Variants in ITIH3 observed in about 807,000 individuals in gnomAD.
The protein encoded by ITIH3 is inter-alpha-trypsin inhibitor heavy chain 3.
In ITIH3, 81 loss-of-function variants were observed where a neutral mutation model predicts 96.5. The observed-to-expected ratio is 0.84, with a 90% CI of 0.70 to 1.01. ITIH3 has a LOEUF of 1.01. ITIH3 is among the 50% of genes least tolerant of loss of function. ITIH3 has a pLI of 0.00. For missense variants in ITIH3, 1,057 were observed against 1,139.3 expected (o/e 0.93, Z 1.04); for synonymous variants, 422 against 445.2 (o/e 0.95, Z 0.66).
intron 2 of ITIH3, 63 bp from the exon 3 acceptor site, chr3:52,796,418 T>G: frequency 6.7e-7 from 1 of 1,487,078 alleles, no homozygotes; most frequent in Non-Finnish European, 9.2e-7. Flanking sequence ...GGGAGGTGGC[T>G]GGGTTGCAAA....
rs758711384 is a variant in ITIH3 at position 52,799,867 on chromosome 3, C to T, written c.1021C>T (p.Pro341Ser). The stretch of plus-strand genomic sequence containing the variant: ...GAAAGAGCACTTAGTCCAGGCCACG[C>T]CCGAGAACCTCCAGGAGGCCAGGAC... ...TWKEHLVQAT[P>S]ENLQEARTFV... Residue 341 changes from proline to serine, a missense_variant, in exon 9 of 22, where the codon CCC becomes TCC. By Grantham distance (74) the Pro-to-Ser change is moderately conservative. Coordinates refer to ENST00000449956, the MANE Select transcript of ITIH3 (RefSeq NM_002217.4). 4 of 1,613,920 alleles carry T rather than the reference C, an allele frequency of 2.5e-6. No individual in the cohort carries two copies. In the South Asian group the frequency reaches 4.4e-5, roughly 18 times the overall value.
chr3:52,807,948 G>A, intron 20 of ITIH3, 32 bp downstream of exon 20: 1 of 1,605,184 alleles, frequency 6.2e-7, no homozygotes, highest in Non-Finnish European at 8.5e-7. Flanking sequence ...GGCTGTTCAG[G>A]CCTGAGAGCA....
At chr3:52,802,605 T>C in intron 12 of ITIH3, 62 bp from the exon 13 acceptor site, 1 of 1,611,450 alleles carries the variant, frequency 6.2e-7, no homozygotes, top group South Asian at 1.1e-5. Flanking sequence ...CCAGGAGTGG[T>C]GGCCCCTGAA....
intron 20 of ITIH3, 95 bp from the exon 21 acceptor site, chr3:52,808,015 C>A (rs1700118194): frequency 1.3e-6 from 2 of 1,566,604 alleles, no homozygotes; most frequent in Admixed American, 1.7e-5. Flanking sequence ...GCTCACAACA[C>A]CCCATTCAGC....
chr3:52,796,836 T>C lies in ITIH3; in HGVS notation c.379T>C (p.Leu127=). ...TGTGTCCCAGGGCAAGACGGCCGGCTTGGTCAAGTAAGTATGGACTCCCAG... is the reference window on the plus strand; with the variant it reads ...TGTGTCCCAGGGCAAGACGGCCGGCCTGGTCAAGTAAGTATGGACTCCCAG... ...KAVSQGKTAG[L]VKASGRKLEK... Residue 127 remains leucine (L), a synonymous_variant, in exon 4 of 22, where the codon TTG becomes CTG. Coordinates refer to ENST00000449956, the MANE Select transcript of ITIH3 (RefSeq NM_002217.4). 1 of 1,605,120 alleles carries C rather than the reference T, an allele frequency of 6.2e-7. No homozygotes were observed. The highest frequency in any genetic ancestry group is 1.1e-5 in the South Asian group (1 of 88,880).
In ITIH3 at chr3:52,808,203, A is replaced by G. The variant is rs1700126421; in HGVS notation, c.2525A>G (p.His842Arg). Residue 842 changes from histidine to arginine, a missense_variant, in exon 21 of 22, where the codon CAT becomes CGT. By Grantham distance (29) the His-to-Arg change is conservative. Coordinates refer to ENST00000449956, the MANE Select transcript of ITIH3 (RefSeq NM_002217.4). ...GATGCCACATTGGTGGTGAAGAACC[A>G]TCAGCTGATTGTCACCAGGTGAGGA... ...KPDATLVVKN[H>R]QLIVTRGSQK... The G allele has an allele frequency of 8.7e-6, 14 of 1,614,064 alleles. No homozygotes were observed. The highest frequency in any genetic ancestry group is 1.0e-5 in the Non-Finnish European group (12 of 1,179,900).
At position 52,807,776 on chromosome 3, in the gene ITIH3, T is replaced by C. The variant is rs1429297534; in HGVS notation, c.2291T>C (p.Met764Thr). 1 of 1,612,208 alleles carries C rather than the reference T, an allele frequency of 6.2e-7. No homozygotes were observed. Among genetic ancestry groups the C allele is most frequent in the Admixed American group, 1.7e-5 (1 of 59,738 alleles). ...TCCATGATGATCAACAGGAAGAACA[T>C]GGTGGTCTCCTTTGGAGATGGGGTT... Reference protein sequence around the residue: ...GLSMMINRKNMVVSFGDGVTF... With the variant: ...GLSMMINRKNTVVSFGDGVTF... The change falls in exon 20 of 22, where the codon ATG (methionine) becomes ACG (threonine). Residue 764 changes from methionine (M) to threonine (T), a missense_variant. Met to Thr is a moderately conservative substitution (Grantham distance 81, BLOSUM62 -1). Transcript: ENST00000449956.
At chr3:52,800,868 A>T (rs1317612585) in intron 10 of ITIH3, 97 bp from the exon 11 acceptor site, 2 of 1,535,050 alleles carry the variant, frequency 1.3e-6, no homozygotes, top group African/African-American at 2.7e-5. Context: ...TGACTCCAGC[A>T]ACTCTGCATG....
chr3:52,808,770 G>C lies in ITIH3; in HGVS notation c.*89G>C, dbSNP rs1578765212. 6.6e-7 allele frequency: 1 copy of C among 1,521,254 alleles called. No individual in the cohort carries two copies. The highest frequency in any genetic ancestry group is 2.3e-5 in the East Asian group (1 of 43,570). The allele number at this position is 1,521,254 out of a possible 1,614,324, so 94.2% of individuals were successfully genotyped here. On this transcript the variant is annotated 3_prime_UTR_variant, in exon 22 of 22. Coordinates refer to ENST00000449956, the MANE Select transcript of ITIH3 (RefSeq NM_002217.4). The stretch of plus-strand genomic sequence containing the variant: ...CAGAGAGGGGCCTGTGGGAGGGGCT[G>C]GGAAAATAAAGTCCAAGGTCGAGAC...
chr3:52,802,793 C>T lies in ITIH3; in HGVS notation c.1696C>T (p.Leu566=), dbSNP rs775668802. ...RLWAYLTIEQ[L]LEKRKNAHGE... is the part of the protein sequence containing the mutation. Reference sequence around the variant, plus strand: ...CTGGGCCTACCTCACCATTGAGCAGCTGCTGGAGAAGCGGTGAGCAGAGTC... The same window carrying T: ...CTGGGCCTACCTCACCATTGAGCAGTTGCTGGAGAAGCGGTGAGCAGAGTC... The change falls in exon 13 of 22, where the codon CTG becomes TTG. Residue 566 remains leucine (L), a synonymous_variant. Transcript: ENST00000449956. 6.2e-7 allele frequency: 1 copy of T among 1,613,994 alleles called. No homozygotes were observed. The highest frequency in any genetic ancestry group is 1.6e-4 in the Middle Eastern group (1 of 6,062).
At chr3:52,802,886 C>T (rs747399880) in intron 13 of ITIH3, 80 bp downstream of exon 13, 58 of 1,501,776 alleles carry the variant, frequency 3.9e-5, no homozygotes, top group East Asian at 4.7e-5. Flanking sequence ...GCAGTCCCAG[C>T]GGTCCTGCCC....
intron 13 of ITIH3, among the ~76,000 whole-genome samples, chr3:52,803,539 G>A (rs969182338): frequency 2.6e-5 from 4 of 152,040 alleles, no homozygotes; most frequent in Non-Finnish European, 4.4e-5. Context: ...GGCTGATCTC[G>A]AACTCCTGAC....
In ITIH3 at chr3:52,799,093, T is replaced by C. The variant is rs1699707054; in HGVS notation, c.789+2T>C. 5 of 1,613,084 alleles carry C rather than the reference T, an allele frequency of 3.1e-6. No homozygotes were observed. The highest frequency in any genetic ancestry group is 2.7e-5 in the African/African-American group (2 of 74,918). On this transcript the variant is annotated splice_donor_variant, in intron 7 of 21. Coordinates refer to ENST00000449956, the MANE Select transcript of ITIH3 (RefSeq NM_002217.4). LOFTEE classifies it high-confidence loss of function. ...AGAGAATCTCCTGGCAACGTGCAGG[T>C]ACCCGGGCTGGCTGATTCATCATCA...
intron 1 of ITIH3, 37 bp from the exon 2 acceptor site, chr3:52,795,566 C>G (rs777338137): frequency 6.2e-7 from 1 of 1,601,146 alleles, no homozygotes; most frequent in Non-Finnish European, 8.5e-7. Context: ...TGGCCTTGGC[C>G]TGATTCCTGT....
chr3:52,794,927 C>G (rs1699519356), intron 1 of ITIH3, 31 bp downstream of exon 1: 1 of 1,562,690 alleles, frequency 6.4e-7, no homozygotes, highest in South Asian at 1.1e-5. Flanking sequence ...CCATCTGGGT[C>G]TTGGTGTGGA....
chr3:52,805,330 T>C (rs1003219094), intron 15 of ITIH3: 4 of 1,010,500 alleles, frequency 4.0e-6, no homozygotes, highest in Non-Finnish European at 4.7e-6. Context: ...GACTGGGCCA[T>C]CACATTCCCC....
Position 52,805,814 on chromosome 3 carries a change from C to A in ITIH3, c.1880C>A (p.Pro627Gln). 2 of 1,613,790 alleles carry A rather than the reference C, an allele frequency of 1.2e-6. No individual in the cohort carries two copies. Among genetic ancestry groups the A allele is most frequent in the Non-Finnish European group, 1.7e-6 (2 of 1,179,792 alleles). Residue 627 changes from proline to glutamine, a missense_variant, in exon 16 of 22, where the codon CCG becomes CAG. By Grantham distance (76) the Pro-to-Gln change is moderately conservative. Coordinates refer to ENST00000449956, the MANE Select transcript of ITIH3 (RefSeq NM_002217.4). ...DKPGEDAEAT[P>Q]VSPAMSYLTS... ...CTGCCCTTCGGCTTTTCAGCCACAC[C>A]GGTGAGCCCCGCCATGTCCTACCTG...
Position 52,808,125 on chromosome 3 carries a change from C to T in ITIH3, c.2447C>T (p.Pro816Leu). The T allele has an allele frequency of 2.5e-6, 4 of 1,614,146 alleles. No individual in the cohort carries two copies. Among genetic ancestry groups the T allele is most frequent in the South Asian group, 1.1e-5 (1 of 91,084 alleles). The change falls in exon 21 of 22, where the codon CCC becomes CTC. Residue 816 changes from proline (P) to leucine (L), a missense_variant. Coordinates refer to ENST00000449956, the MANE Select transcript of ITIH3 (RefSeq NM_002217.4). ...TTCTTCCCAGGGCAATTCTTCCAAC[C>T]CTTTGACTTTAAAGTGTCTGACATC... The part of the protein sequence containing the change: ...THGLLGQFFQ[P>L]FDFKVSDIRP...
rs1578756035 is a variant in ITIH3, at chr3:52,800,846, G to C, written c.1202-119G>C. On this transcript the variant is annotated intron_variant, in intron 10 of 21. Coordinates refer to ENST00000449956, the MANE Select transcript of ITIH3 (RefSeq NM_002217.4). Reference sequence around the variant, plus strand: ...GGCTCTCCACCACCTGCCCCACAAGGGCTCATGGTCGTGACTCCAGCAACT... The same window carrying C: ...GGCTCTCCACCACCTGCCCCACAAGCGCTCATGGTCGTGACTCCAGCAACT... 10 of 1,488,804 alleles carry C rather than the reference G, an allele frequency of 6.7e-6. No homozygotes were observed. In the East Asian group the frequency reaches 2.3e-4, roughly 34 times the overall value. 92.2% of individuals were successfully genotyped at this position (1,488,804 alleles called of 1,614,324 possible).
Sources: allele counts gnomAD v4.1 joint callset (sites outside exome capture counted in the v4.1 genomes callset), GRCh38; gene constraint gnomAD v4.1.1; transcripts MANE v1.5; gene names NCBI Gene and HGNC (gene_info 2026-07-23, HGNC 2026-07-21).